Variants in TRPM3 observed in about 807,000 individuals in gnomAD.
TRPM3 encodes long transient receptor potential channel 3.
TRPM3 carries 77 observed loss-of-function variants against 181.2 expected under a neutral mutation model. The observed-to-expected ratio is 0.42, with a 90% CI of 0.35 to 0.51. TRPM3 has a LOEUF of 0.51. TRPM3 is among the 20% of genes least tolerant of loss of function. TRPM3 has a pLI of 0.01. For synonymous variants in TRPM3, 745 were observed against 796.4 expected (o/e 0.94, Z 1.09); for missense variants, 1,759 against 2,196.7 (o/e 0.80, Z 3.98).
At position 71,168,573 on chromosome 9, in the gene TRPM3, TTTTTG is replaced by T. The variant is rs1376699748; in HGVS notation, c.183+278075_183+278079del. 2.3e-4 allele frequency among the ~76,000 whole-genome samples: 26 copies of T among 110,654 alleles called. 2 individuals carry two copies. In the South Asian group the frequency reaches 5.8e-3, roughly 25 times the overall value. The allele number at this position is 110,654 out of a possible 152,430, so 72.6% of individuals were successfully genotyped here. On this transcript the variant is annotated intron_variant, in intron 1 of 24. Coordinates refer to the TRPM3 transcript ENST00000357533. ...ATTTATTTATTTATTTATTTATTTA[TTTTTG>T]TTTTTTATTTTTTTATTTTTATTTT...
intron 1 of TRPM3, among the ~76,000 whole-genome samples, chr9:70,964,892 C>A (rs1367315294): frequency 4.6e-5 from 7 of 152,054 alleles, no homozygotes; most frequent in South Asian, 2.1e-4. Context: ...TATTTCTCTG[C>A]CTCATTTTAA....
At chr9:71,176,044 G>T (rs2077090539) in intron 1 of TRPM3, among the ~76,000 whole-genome samples, 1 of 152,136 alleles carries the variant, frequency 6.6e-6, no homozygotes, top group African/African-American at 2.4e-5. Flanking sequence ...TAAAAGGATA[G>T]ACCCTATGAT....
chr9:70,588,474 AAAAG>A (rs1350553124), intron 22 of TRPM3, among the ~76,000 whole-genome samples: 4 of 152,136 alleles, frequency 2.6e-5, no homozygotes, highest in Admixed American at 2.0e-4. Context: ...TAAAAAAAAA[AAAAG>A]AGTTAGCTAT....
intron 22 of TRPM3, among the ~76,000 whole-genome samples, chr9:70,571,439 G>T (rs1476244608): frequency 6.6e-6 from 1 of 152,142 alleles, no homozygotes; most frequent in African/African-American, 2.4e-5. Flanking sequence ...TACCTTGGAG[G>T]CTCAGAGTCC....
chr9:71,420,045 A>G (rs369021008), intron 1 of TRPM3, among the ~76,000 whole-genome samples: 8 of 152,030 alleles, frequency 5.3e-5, no homozygotes, highest in East Asian at 1.9e-4. Context: ...TTCAGATTTA[A>G]AGTTTTCTGT....
At chr9:71,248,625 G>A (rs143224563) in intron 1 of TRPM3, among the ~76,000 whole-genome samples, 51 of 152,278 alleles carry the variant, frequency 3.3e-4, no homozygotes, top group African/African-American at 1.2e-3. Context: ...ACTGATTTAA[G>A]GTGGCCAGAG....
intron 20 of TRPM3, among the ~76,000 whole-genome samples, chr9:70,599,027 T>C (rs1211912775): frequency 6.6e-6 from 1 of 152,194 alleles, no homozygotes; most frequent in Non-Finnish European, 1.5e-5. Flanking sequence ...GGCTGTTCAC[T>C]TGGGAAGACT....
chr9:71,438,506 C>T (rs1174428873), intron 1 of TRPM3, among the ~76,000 whole-genome samples: 2 of 149,648 alleles, frequency 1.3e-5, no homozygotes, highest in South Asian at 4.2e-4. Context: ...CCCTTCTCTA[C>T]AAAAAAAAAT....
chr9:70,629,340 G>GT (rs1046197921), intron 12 of TRPM3, among the ~76,000 whole-genome samples: 6 of 147,566 alleles, frequency 4.1e-5, no homozygotes, highest in East Asian at 2.0e-4. Context: ...GTTTTGTTTT[G>GT]TTTTTTTCTT....
At chr9:70,689,536 A>G (rs561579314) in intron 8 of TRPM3, among the ~76,000 whole-genome samples, 1 of 151,678 alleles carries the variant, frequency 6.6e-6, no homozygotes, top group East Asian at 1.9e-4. Flanking sequence ...AAAAAACAAC[A>G]AGAGAGATGA....
Position 70,631,949 on chromosome 9 carries a change from C to A in TRPM3, c.1632+3262G>T, listed in dbSNP as rs11142519. 5.3e-4 allele frequency among the ~76,000 whole-genome samples: 81 copies of A among 152,268 alleles called. No homozygotes were observed. In the East Asian group the frequency reaches 0.015, roughly 29 times the overall value. On this transcript the variant is annotated intron_variant, in intron 12 of 25. Coordinates refer to ENST00000677713, the MANE Select transcript of TRPM3 (RefSeq NM_001366145.2). ...TAAGAGTTATTTACATATAGTTTTA[C>A]AGATGTATTATCAAACACTATGCTT...
intron 1 of TRPM3, among the ~76,000 whole-genome samples, chr9:71,023,532 G>A (rs2097863113): frequency 1.3e-5 from 2 of 152,092 alleles, no homozygotes; most frequent in Admixed American, 1.3e-4. Context: ...ACCTGTGCAT[G>A]AGTATTCACG....
intron 8 of TRPM3, among the ~76,000 whole-genome samples, chr9:70,759,818 C>T (rs1268958861): frequency 6.6e-6 from 1 of 151,946 alleles, no homozygotes; most frequent in East Asian, 1.9e-4. Flanking sequence ...TAACATCGCA[C>T]ACCAGGGCCT....
intron 1 of TRPM3, among the ~76,000 whole-genome samples, chr9:71,204,124 G>A (rs1242904544): frequency 1.3e-5 from 2 of 150,950 alleles, no homozygotes; most frequent in Non-Finnish European, 2.9e-5. Context: ...AGAAAACCTA[G>A]GCAATACCAT....
intron 1 of TRPM3, among the ~76,000 whole-genome samples, chr9:70,883,047 A>C (rs2096022204): frequency 6.6e-6 from 1 of 152,218 alleles, no homozygotes; most frequent in African/African-American, 2.4e-5. Context: ...ACAAACTTGA[A>C]AATGATATAT....
At chr9:71,282,192 G>GAAAGAAAGGA (rs1441772444) in intron 1 of TRPM3, among the ~76,000 whole-genome samples, 1 of 72,016 alleles carries the variant, frequency 1.4e-5, no homozygotes, top group Non-Finnish European at 2.9e-5. Flanking sequence ...AGAAAGGAAA[G>GAAAGAAAGGA]AAAGAATGAA....
At chr9:71,123,803 G>T (rs1222068833), upstream of TRPM3, among the ~76,000 whole-genome samples, 1 of 152,198 alleles carries the variant, frequency 6.6e-6, no homozygotes, top group South Asian at 2.1e-4. Context: ...TTAAATGAAC[G>T]CCCTTAAGTG....
intron 1 of TRPM3, among the ~76,000 whole-genome samples, chr9:71,361,343 G>C (rs1048889937): frequency 2.6e-5 from 4 of 152,128 alleles, no homozygotes; most frequent in Non-Finnish European, 5.9e-5. Context: ...TATTTTGAGA[G>C]ACCATAGCGT....
At chr9:71,138,565 C>G (rs1444484379) in intron 1 of TRPM3, among the ~76,000 whole-genome samples, 1 of 151,648 alleles carries the variant, frequency 6.6e-6, no homozygotes, top group African/African-American at 2.4e-5. Context: ...GTTTGGTTTA[C>G]TTAAAAATAA....
Sources: gnomAD v4.1 joint callset for allele counts (sites outside exome capture counted in the v4.1 genomes callset) on GRCh38, gnomAD v4.1.1 for gene constraint, MANE v1.5 for transcripts, NCBI Gene and HGNC (gene_info 2026-07-23, HGNC 2026-07-21) for gene names.